GAPT: variants seen among roughly 807,000 people sequenced by gnomAD.
GAPT encodes GRB2 binding adaptor protein, transmembrane.
For synonymous variants in GAPT, 82 were observed against 69.7 expected (o/e 1.18, Z -0.88); for missense variants, 206 against 189.2 (o/e 1.09, Z -0.52).
At chr5:58,492,061 A>C (rs1243920808) in intron 1 of GAPT, among the ~76,000 whole-genome samples, 2 of 152,114 alleles carry the variant, frequency 1.3e-5, no homozygotes, top group Non-Finnish European at 2.9e-5. Flanking sequence ...ATCTTGGTAA[A>C]TATCTCTTAG....
Position 58,491,479 on chromosome 5 carries a change from C to G in GAPT, c.-481C>G, listed in dbSNP as rs1356565820. ...GTGAAAAAGAGGAACAAGTTCTAAC[C>G]CAATGCAGGTTTAAAACATAACCAA... On this transcript the variant is annotated 5_prime_UTR_variant, in exon 1 of 3. Coordinates refer to ENST00000502276, the MANE Select transcript of GAPT (RefSeq NM_001304431.2). The G allele has an allele frequency of 6.6e-6, 1 of 152,076 alleles. No individual in the cohort carries two copies. The highest frequency in any genetic ancestry group is 1.5e-5 in the Non-Finnish European group (1 of 68,008). The allele number at this position is 152,076 out of a possible 1,614,324, so 9.4% of individuals were successfully genotyped here.
Position 58,494,714 on chromosome 5 carries a change from A to G in GAPT, c.178A>G (p.Thr60Ala), listed in dbSNP as rs1407381136. The G allele has an allele frequency of 6.2e-7, 1 of 1,613,892 alleles. No homozygotes were observed. Among genetic ancestry groups the G allele is most frequent in the African/African-American group, 1.3e-5 (1 of 74,930 alleles). ...CAGCAGGAGAAAAGTCTGTACTAAA[A>G]CATTCTTGGGCCCCCGCATCATTGG... ...RSSRRKVCTK[T>A]FLGPRIIGLR... The change falls in exon 3 of 3, where the codon ACA (threonine) becomes GCA (alanine). Residue 60 changes from threonine (T) to alanine (A), a missense_variant. Thr to Ala is a moderately conservative substitution (Grantham distance 58). Transcript: ENST00000502276.
chr5:58,496,675 G>A lies in GAPT; in HGVS notation c.*1665G>A, dbSNP rs1459331879. The A allele has an allele frequency of 1.8e-5, 3 of 167,050 alleles. No individual in the cohort carries two copies. The East Asian group carries it at 5.8e-4, about 32-fold the overall frequency. 10.3% of individuals were successfully genotyped at this position (167,050 alleles called of 1,614,324 possible). A position where few individuals can be genotyped will look rare whatever the true frequency, so the allele number is the denominator to read the frequency against. ...ACTAAGGAAGACCGAAAGGCAGTAG[G>A]AGGCAACAGGGAATTGCTCCTGCCT... On this transcript the variant is annotated 3_prime_UTR_variant, in exon 3 of 3. Transcript: ENST00000502276.
intron 1 of GAPT, among the ~76,000 whole-genome samples, chr5:58,493,153 C>A (rs1189417230): frequency 6.6e-6 from 1 of 152,060 alleles, no homozygotes; most frequent in African/African-American, 2.4e-5. Context: ...ATGAGATAAT[C>A]CCTGTAACAG....
chr5:58,493,967 C>T (rs1252484298), intron 2 of GAPT, 129 bp downstream of exon 2: 1 of 151,998 alleles, frequency 6.6e-6, no homozygotes, highest in Non-Finnish European at 1.5e-5. Context: ...GATAAAACCA[C>T]TCAGGGTTGG....
At position 58,495,015 on chromosome 5, in the gene GAPT, T is replaced by G. The variant is rs749255701; in HGVS notation, c.*5T>G. On this transcript the variant is annotated 3_prime_UTR_variant, in exon 3 of 3. Transcript: ENST00000502276. ...ATTCTTCCAGATTCATATTAGCTTTTCAAAATATTGACTTTTGTTATTGGA... is the reference window on the plus strand; with the variant it reads ...ATTCTTCCAGATTCATATTAGCTTTGCAAAATATTGACTTTTGTTATTGGA... The G allele has an allele frequency of 5.4e-5, 83 of 1,546,370 alleles. 1 individual carries two copies. The highest frequency in any genetic ancestry group is 7.2e-5 in the Non-Finnish European group (81 of 1,131,970).
At chr5:58,493,241 G>T (rs1391050707) in intron 1 of GAPT, among the ~76,000 whole-genome samples, 8 of 152,078 alleles carry the variant, frequency 5.3e-5, no homozygotes, top group Admixed American at 3.9e-4. Context: ...CATTTCACAG[G>T]CACTGTTGGA....
intron 1 of GAPT, among the ~76,000 whole-genome samples, chr5:58,492,480 G>A (rs189097814): frequency 8.6e-4 from 131 of 152,180 alleles, no homozygotes; most frequent in African/African-American, 3.0e-3. Context: ...CCTTATAAAG[G>A]AGGGACCCTG....
rs1398525069 is a variant in GAPT, at chr5:58,495,007, T to C, written c.471T>C (p.Tyr157=). The change falls in exon 3 of 3, where the codon TAT becomes TAC. Residue 157 remains tyrosine, a synonymous_variant. Transcript: ENST00000502276. ...ATATATACATTCTTCCAGATTCATA[T>C]TAGCTTTTCAAAATATTGACTTTTG... The part of the protein sequence containing the change: ...DEDIYILPDS[Y] 1.1e-5 allele frequency: 18 copies of C among 1,569,058 alleles called. No homozygotes were observed. The East Asian group carries it at 4.0e-4, about 35-fold the overall frequency.
chr5:58,492,910 C>A (rs1039638688), intron 1 of GAPT, among the ~76,000 whole-genome samples: 2 of 152,046 alleles, frequency 1.3e-5, no homozygotes, highest in African/African-American at 2.4e-5. Flanking sequence ...TATATGATTT[C>A]CAACCTTCGA....
chr5:58,494,736 T>A lies in GAPT; in HGVS notation c.200T>A (p.Ile67Asn). 6.2e-7 allele frequency: 1 copy of A among 1,613,966 alleles called. No individual in the cohort carries two copies. Among genetic ancestry groups the A allele is most frequent in the Admixed American group, 1.7e-5 (1 of 59,944 alleles). Reference sequence around the variant, plus strand: ...AAAACATTCTTGGGCCCCCGCATCATTGGCTTAAGGCATGAAATCTCAGTT... The same window carrying A: ...AAAACATTCTTGGGCCCCCGCATCAATGGCTTAAGGCATGAAATCTCAGTT... ...CTKTFLGPRI[I>N]GLRHEISVET... Residue 67 changes from isoleucine (I) to asparagine (N), a missense_variant, in exon 3 of 3, where the codon ATT becomes AAT. Ile to Asn is a moderately radical substitution (Grantham distance 149, BLOSUM62 -3). Transcript: ENST00000502276.
rs1324863423 is a variant in GAPT at position 58,493,694 on chromosome 5, AAT to A, written c.-418-16_-418-15del. 3 of 152,286 alleles carry A rather than the reference AAT, an allele frequency of 2.0e-5. No homozygotes were observed. In the East Asian group the frequency reaches 5.8e-4, roughly 29 times the overall value. 9.4% of individuals were successfully genotyped at this position (152,286 alleles called of 1,614,324 possible). A position where few individuals can be genotyped will look rare whatever the true frequency, so the allele number is the denominator to read the frequency against. On this transcript the variant is annotated splice_polypyrimidine_tract_variant and intron_variant, in intron 1 of 2. Transcript: ENST00000502276. The stretch of plus-strand genomic sequence containing the variant: ...CCACCATTTAACCAAGTAAGAATAC[AAT>A]TCTCTCTCATTTAGGTTATCACGCT...
At chr5:58,491,746 T>C (rs1346380330) in intron 1 of GAPT, among the ~76,000 whole-genome samples, 1 of 152,174 alleles carries the variant, frequency 6.6e-6, no homozygotes, top group Non-Finnish European at 1.5e-5. Flanking sequence ...TTACCTTGTT[T>C]CCAAACAGCA....
chr5:58,494,568 C>A lies in GAPT; in HGVS notation c.32C>A (p.Ala11Asp). 1 of 1,612,260 alleles carries A rather than the reference C, an allele frequency of 6.2e-7. No individual in the cohort carries two copies. Among genetic ancestry groups the A allele is most frequent in the Non-Finnish European group, 8.5e-7 (1 of 1,179,066 alleles). ...AAAAGCTGTGGAAATAATTTAGCGGCCATTTCTGTAGGAATTTCGCTTCTT... is the reference window on the plus strand; with the variant it reads ...AAAAGCTGTGGAAATAATTTAGCGGACATTTCTGTAGGAATTTCGCTTCTT... Reference protein sequence around the residue: MSKSCGNNLAAISVGISLLLL... With the variant: MSKSCGNNLADISVGISLLLL... Residue 11 changes from alanine (A) to aspartate (D), a missense_variant, in exon 3 of 3, where the codon GCC becomes GAC. Physicochemically the swap from Ala to Asp is moderately radical, Grantham distance 126. Coordinates refer to ENST00000502276, the MANE Select transcript of GAPT (RefSeq NM_001304431.2).
rs1166306458 is a variant in GAPT, at chr5:58,496,774, C to G, written c.*1764C>G. The G allele has an allele frequency of 6.0e-6, 1 of 167,372 alleles. No individual in the cohort carries two copies. The highest frequency in any genetic ancestry group is 2.4e-5 in the African/African-American group (1 of 41,456). 10.4% of individuals were successfully genotyped at this position (167,372 alleles called of 1,614,324 possible). A position where few individuals can be genotyped will look rare whatever the true frequency, so the allele number is the denominator to read the frequency against. ...AGCATCACTGGTTGTTTGCAGCTTT[C>G]TAGTTTCTTCCATCATTCCCAGGAC... On this transcript the variant is annotated 3_prime_UTR_variant, in exon 3 of 3. Coordinates refer to ENST00000502276, the MANE Select transcript of GAPT (RefSeq NM_001304431.2).
chr5:58,494,878 C>T lies in GAPT; in HGVS notation c.342C>T (p.Asn114=), dbSNP rs770653288. The T allele has an allele frequency of 6.2e-7, 1 of 1,613,892 alleles. No homozygotes were observed. The highest frequency in any genetic ancestry group is 8.5e-7 in the Non-Finnish European group (1 of 1,179,856). ...KGKTDKELYE[N]TGQSNFEEHI... is the part of the protein sequence containing the mutation. ...AAACCGATAAGGAACTATATGAAAA[C>T]ACAGGGCAGTCTAATTTCGAGGAGC... is the stretch of plus-strand genomic sequence containing the variant. The change falls in exon 3 of 3, where the codon AAC becomes AAT. Residue 114 remains asparagine (N), a synonymous_variant. Transcript: ENST00000502276.
Position 58,494,858 on chromosome 5 carries a change from G to A in GAPT, c.322G>A (p.Asp108Asn), listed in dbSNP as rs767590466. ...AGPPKAKGKT[D>N]KELYENTGQS... ...TCCTCCCAAAGCTAAAGGAAAAACC[G>A]ATAAGGAACTATATGAAAACACAGG... The change falls in exon 3 of 3, where the codon GAT becomes AAT. Residue 108 changes from aspartate to asparagine, a missense_variant. Coordinates refer to ENST00000502276, the MANE Select transcript of GAPT (RefSeq NM_001304431.2). The A allele has an allele frequency of 4.0e-5, 64 of 1,613,978 alleles. No individual in the cohort carries two copies. Among genetic ancestry groups the A allele is most frequent in the South Asian group, 2.2e-4 (20 of 91,080 alleles).
At chr5:58,494,109 T>C (rs1204761970) in intron 2 of GAPT, 138 bp from the exon 3 acceptor site, 1 of 155,524 alleles carries the variant, frequency 6.4e-6, no homozygotes, top group Non-Finnish European at 1.4e-5. Flanking sequence ...CTATGTTAGA[T>C]AATAAGTATG....
Position 58,494,548 on chromosome 5 carries a change from C to T in GAPT, c.12C>T (p.Ser4=), listed in dbSNP as rs1316005460. MSK[S]CGNNLAAISV... ...CTGTTTGTACAGAAATGTCGAAAAG[C>T]TGTGGAAATAATTTAGCGGCCATTT... Residue 4 remains serine, a synonymous_variant, in exon 3 of 3, where the codon AGC becomes AGT. Coordinates refer to ENST00000502276, the MANE Select transcript of GAPT (RefSeq NM_001304431.2). The T allele has an allele frequency of 1.9e-6, 3 of 1,608,936 alleles. No homozygotes were observed. Among genetic ancestry groups the T allele is most frequent in the Non-Finnish European group, 1.7e-6 (2 of 1,177,194 alleles).
Sources: gnomAD v4.1 joint callset for allele counts (sites outside exome capture counted in the v4.1 genomes callset) on GRCh38, gnomAD v4.1.1 for gene constraint, MANE v1.5 for transcripts, NCBI Gene and HGNC (gene_info 2026-07-23, HGNC 2026-07-21) for gene names.